MYO1E: variants seen among roughly 807,000 people sequenced by gnomAD.
The protein encoded by MYO1E is myosin IE.
MYO1E carries 68 observed loss-of-function variants against 151.1 expected under a neutral mutation model. The observed-to-expected ratio is 0.45, with a 90% confidence interval of 0.37 to 0.55. The LOEUF (loss-of-function observed/expected upper bound fraction) is 0.55. Ranked by LOEUF, MYO1E falls within the 20% of genes least tolerant of loss-of-function variation. MYO1E has a pLI of 0.00. For missense variants in MYO1E, 1,363 were observed against 1,389.3 expected (o/e 0.98, Z 0.30); for synonymous variants, 601 against 501.7 (o/e 1.20, Z -2.64).
chr15:59,319,556 T>TTTG (rs2080612235), intron 1 of MYO1E, among the ~76,000 whole-genome samples: 1 of 71,594 alleles, frequency 1.4e-5, no homozygotes. Context: ...CTACCTTTTT[T>TTTG]TTTTTTTTTT....
chr15:59,161,470 G>A (rs1386166590), intron 23 of MYO1E, among the ~76,000 whole-genome samples: 3 of 152,220 alleles, frequency 2.0e-5, no homozygotes, highest in Non-Finnish European at 4.4e-5. Context: ...ACCAGGTGGT[G>A]AGGGAGGTAC....
chr15:59,188,056 T>C (rs1287110577), intron 18 of MYO1E, 62 bp downstream of exon 18: 21 of 1,262,700 alleles, frequency 1.7e-5, no homozygotes, highest in South Asian at 1.7e-4. Context: ...GTGAATTGTA[T>C]AGATTTGAAT....
At chr15:59,348,683 G>A (rs2080807570) in intron 1 of MYO1E, 1 of 151,544 alleles carries the variant, frequency 6.6e-6, no homozygotes, top group Non-Finnish European at 1.5e-5. Context: ...CCAAGCTGGA[G>A]GGCAATGGCA....
At chr15:59,170,232 G>A (rs1407264131) in intron 22 of MYO1E, among the ~76,000 whole-genome samples, 1 of 152,176 alleles carries the variant, frequency 6.6e-6, no homozygotes, top group Non-Finnish European at 1.5e-5. Context: ...TATGGTCCCA[G>A]TCATGAGCAC....
chr15:59,257,843 T>C (rs1176831978), intron 3 of MYO1E, among the ~76,000 whole-genome samples: 1 of 152,168 alleles, frequency 6.6e-6, no homozygotes, highest in Non-Finnish European at 1.5e-5. Context: ...GATACCTGGA[T>C]AGGACCTCAG....
intron 1 of MYO1E, among the ~76,000 whole-genome samples, chr15:59,326,150 A>G (rs1433444322): frequency 1.4e-5 from 2 of 138,640 alleles, no homozygotes; most frequent in Non-Finnish European, 3.1e-5. Flanking sequence ...AACAAAACAG[A>G]AAAAAAAAAA....
chr15:59,345,902 A>G (rs1230445044), intron 1 of MYO1E, among the ~76,000 whole-genome samples: 2 of 152,242 alleles, frequency 1.3e-5, no homozygotes, highest in African/African-American at 2.4e-5. Context: ...TCTGGGGTAG[A>G]GGGATGAGGT....
At chr15:59,323,651 G>A (rs1316633150) in intron 1 of MYO1E, among the ~76,000 whole-genome samples, 2 of 150,968 alleles carry the variant, frequency 1.3e-5, no homozygotes, top group Admixed American at 6.6e-5. Flanking sequence ...ATGAGACTCC[G>A]CCTCAAAAAA....
At chr15:59,194,390 T>TTC (rs552884456) in intron 17 of MYO1E, among the ~76,000 whole-genome samples, 36 of 152,302 alleles carry the variant, frequency 2.4e-4, no homozygotes, top group Non-Finnish European at 4.1e-4. Flanking sequence ...ATGGATCTGT[T>TTC]TCCTCCTGTA....
chr15:59,296,857 T>G (rs1259482562), intron 1 of MYO1E, among the ~76,000 whole-genome samples: 2 of 137,468 alleles, frequency 1.5e-5, no homozygotes, highest in Non-Finnish European at 3.1e-5. Flanking sequence ...TTTTTTTTTT[T>G]GAGATGGAAT....
rs901731475 is a variant in MYO1E, at chr15:59,369,321, G to C, written c.3+3177C>G. ...GGAACAGCTCTTGAACATGTTTTGA[G>C]GTGATGGTCAATTCAGATTTGCTCA... On this transcript the variant is annotated intron_variant, in intron 1 of 27. Coordinates refer to ENST00000288235, the MANE Select transcript of MYO1E (RefSeq NM_004998.4). 4.6e-5 allele frequency among the ~76,000 whole-genome samples: 7 copies of C among 152,156 alleles called. No homozygotes were observed. The East Asian group carries it at 1.2e-3, about 25-fold the overall frequency.
intron 1 of MYO1E, among the ~76,000 whole-genome samples, chr15:59,317,370 A>C (rs1331784651): frequency 6.6e-6 from 1 of 152,236 alleles, no homozygotes; most frequent in East Asian, 1.9e-4. Flanking sequence ...CTGGTAACTA[A>C]GTAGAATTTA....
chr15:59,305,420 C>T (rs1386505986), intron 1 of MYO1E, among the ~76,000 whole-genome samples: 1 of 152,104 alleles, frequency 6.6e-6, no homozygotes, highest in African/African-American at 2.4e-5. Flanking sequence ...GTCTCGAACT[C>T]CTGAGCTCAA....
At position 59,208,671 on chromosome 15, in the gene MYO1E, T is replaced by C. The variant is rs761697691; in HGVS notation, c.1530+10A>G. The C allele has an allele frequency of 2.5e-6, 4 of 1,614,180 alleles. No homozygotes were observed. The highest frequency in any genetic ancestry group is 3.3e-5 in the Admixed American group (2 of 60,028). On this transcript the variant is annotated intron_variant, in intron 14 of 27. Transcript: ENST00000288235. Reference sequence around the variant, plus strand: ...AAACAGATAGACATTAAAATGGATATTGGCCATACCTTCCCAGCATAATGA... The same window carrying C: ...AAACAGATAGACATTAAAATGGATACTGGCCATACCTTCCCAGCATAATGA...
rs1375509150 is a variant in MYO1E at position 59,256,842 on chromosome 15, T to C, written c.238-464A>G. On this transcript the variant is annotated intron_variant, in intron 3 of 27. Coordinates refer to ENST00000288235, the MANE Select transcript of MYO1E (RefSeq NM_004998.4). ...ACATAATTTTTTCTAAGAGGCCACG[T>C]TGTAGATTCTGGGGCCTCAGAGGGA... Among the ~76,000 whole-genome samples, 5 of 152,296 alleles carry C rather than the reference T, an allele frequency of 3.3e-5. No individual in the cohort carries two copies. In the East Asian group the frequency reaches 9.6e-4, roughly 29 times the overall value.
Position 59,209,825 on chromosome 15 carries a change from T to C in MYO1E, c.1362+689A>G, listed in dbSNP as rs1461100453. 9.0e-5 allele frequency among the ~76,000 whole-genome samples: 9 copies of C among 99,832 alleles called. 1 individual carries two copies. The highest frequency in any genetic ancestry group is 4.5e-4 in the South Asian group (1 of 2,246). The allele number at this position is 99,832 out of a possible 152,430, so 65.5% of individuals were successfully genotyped here. A position where few individuals can be genotyped will look rare whatever the true frequency, so the allele number is the denominator to read the frequency against. ...TTTATTTTGAATCACCTTTTTTTTT[T>C]TTTTTTTTTTTTTTTTTTTTTTGAG... On this transcript the variant is annotated intron_variant, in intron 13 of 27. Coordinates refer to ENST00000288235, the MANE Select transcript of MYO1E (RefSeq NM_004998.4).
chr15:59,324,665 C>A (rs1412315656), intron 1 of MYO1E, among the ~76,000 whole-genome samples: 10 of 6,254 alleles, frequency 1.6e-3, no homozygotes, highest in Non-Finnish European at 9.4e-3. Flanking sequence ...CATCCCAAGC[C>A]CCCCCCCCAC....
intron 9 of MYO1E, among the ~76,000 whole-genome samples, chr15:59,221,341 A>G (rs2079954915): frequency 1.3e-5 from 2 of 152,108 alleles, no homozygotes; most frequent in Non-Finnish European, 2.9e-5. Context: ...AAGCAACTGT[A>G]GAACATTGCA....
intron 26 of MYO1E, among the ~76,000 whole-genome samples, chr15:59,146,029 T>C (rs956826491): frequency 2.1e-4 from 32 of 152,184 alleles, no homozygotes; most frequent in African/African-American, 6.5e-4. Context: ...CTTATTGTTA[T>C]TATTTTTAGA....
Sources: gnomAD v4.1 joint callset for allele counts (sites outside exome capture counted in the v4.1 genomes callset) on GRCh38, gnomAD v4.1.1 for gene constraint, MANE v1.5 for transcripts, NCBI Gene and HGNC (gene_info 2026-07-23, HGNC 2026-07-21) for gene names.